Variants in SPOCK3 observed in about 807,000 individuals in gnomAD.
SPOCK3 encodes the protein SPARC (osteonectin), cwcv and kazal like domains proteoglycan 3.
In SPOCK3, 30 loss-of-function variants were observed where a neutral mutation model predicts 56.6. That is an observed-to-expected ratio of 0.53 (90% confidence interval 0.40 to 0.72). The LOEUF (loss-of-function observed/expected upper bound fraction) is 0.72. Ranked by LOEUF, SPOCK3 falls within the 30% of genes least tolerant of loss-of-function variation. The pLI, the probability that SPOCK3 is intolerant of heterozygous loss-of-function variation, is 0.00. For synonymous variants in SPOCK3, 196 were observed against 183.3 expected, an observed-to-expected ratio of 1.07 and a Z score of -0.56; for missense variants, 527 against 530.0, an observed-to-expected ratio of 0.99 and a Z score of 0.06.
chr4:166,941,936 C>CCCA (rs1344215528), intron 4 of SPOCK3, among the ~76,000 whole-genome samples: 1 of 152,098 alleles, frequency 6.6e-6, no homozygotes, highest in African/African-American at 2.4e-5. Flanking sequence ...GCCAAAGGCA[C>CCCA]CCAGCTAAGC....
intron 2 of SPOCK3, among the ~76,000 whole-genome samples, chr4:167,171,199 G>A (rs1730468893): frequency 6.6e-6 from 1 of 152,086 alleles, no homozygotes; most frequent in African/African-American, 2.4e-5. Context: ...TTATTTATTT[G>A]ACAAATTATT....
chr4:166,875,984 G>GAGCC (rs10629164), intron 6 of SPOCK3, among the ~76,000 whole-genome samples: 147,444 of 152,170 alleles, frequency 0.97, 71,463 homozygotes, highest in East Asian at 1. Context: ...GAAGCAACAG[G>GAGCC]AGCCCAGTGG....
intron 3 of SPOCK3, among the ~76,000 whole-genome samples, chr4:167,023,699 G>T (rs755024719): frequency 1.3e-5 from 2 of 151,954 alleles, no homozygotes; most frequent in African/African-American, 4.8e-5. Context: ...GTTCTGTAAA[G>T]ATATGACAAA....
intron 5 of SPOCK3, among the ~76,000 whole-genome samples, chr4:166,903,220 ACT>A (rs1404763549): frequency 6.6e-6 from 1 of 150,982 alleles, no homozygotes; most frequent in Non-Finnish European, 1.5e-5. Context: ...GGCAGAACAA[ACT>A]CTGTGGAATC....
chr4:167,195,623 G>T (rs72701404), intron 2 of SPOCK3, among the ~76,000 whole-genome samples: 9,431 of 152,230 alleles, frequency 0.062, 319 homozygotes, highest in Admixed American at 0.086. Flanking sequence ...TGGAACCAAG[G>T]TCAGCAGGCC....
chr4:166,817,429 C>T (rs1744486862), intron 6 of SPOCK3, among the ~76,000 whole-genome samples: 2 of 152,108 alleles, frequency 1.3e-5, no homozygotes, highest in Non-Finnish European at 2.9e-5. Context: ...GTAGACAGTG[C>T]CTTTGCTCAT....
intron 6 of SPOCK3, among the ~76,000 whole-genome samples, chr4:166,876,692 T>C (rs944084640): frequency 6.6e-6 from 1 of 152,130 alleles, no homozygotes; most frequent in Non-Finnish European, 1.5e-5. Context: ...TAATAGTATC[T>C]TTTGATTTTT....
chr4:166,938,145 T>C (rs1740657147), intron 4 of SPOCK3, among the ~76,000 whole-genome samples: 1 of 151,988 alleles, frequency 6.6e-6, no homozygotes, highest in Admixed American at 6.6e-5. Context: ...GAAGTGATTT[T>C]GAAAAATTAA....
At chr4:166,794,210 CAAAAAA>C (rs10710162) in intron 6 of SPOCK3, among the ~76,000 whole-genome samples, 1 of 73,608 alleles carries the variant, frequency 1.4e-5, no homozygotes, top group Admixed American at 1.7e-4. Context: ...GGTGATAAGG[CAAAAAA>C]AAAAAAAAAA....
intron 6 of SPOCK3, among the ~76,000 whole-genome samples, chr4:166,867,939 G>C (rs943905310): frequency 7.9e-5 from 12 of 151,676 alleles, no homozygotes; most frequent in Non-Finnish European, 1.5e-4. Context: ...TATGTATATA[G>C]TATATGTATA....
At chr4:167,073,681 T>A (rs561762374) in intron 2 of SPOCK3, among the ~76,000 whole-genome samples, 1 of 151,990 alleles carries the variant, frequency 6.6e-6, no homozygotes, top group East Asian at 1.9e-4. Flanking sequence ...TCCCACTGAG[T>A]TTTGATTTTT....
At chr4:166,853,523 T>C (rs1730350295) in intron 6 of SPOCK3, among the ~76,000 whole-genome samples, 1 of 152,082 alleles carries the variant, frequency 6.6e-6, no homozygotes, top group Non-Finnish European at 1.5e-5. Context: ...GCATTAAAAC[T>C]CTCTCTCAAT....
chr4:167,042,994 C>T (rs1370963045), intron 3 of SPOCK3, among the ~76,000 whole-genome samples: 1 of 152,048 alleles, frequency 6.6e-6, no homozygotes, highest in African/African-American at 2.4e-5. Flanking sequence ...CACTGGTTCT[C>T]TCTTCAATAG....
At chr4:166,931,368 T>C (rs1739754774) in intron 4 of SPOCK3, among the ~76,000 whole-genome samples, 1 of 152,158 alleles carries the variant, frequency 6.6e-6, no homozygotes. Flanking sequence ...GAGTTGCTTT[T>C]AGCCCTGCAA....
chr4:167,216,464 T>C (rs945223431), intron 2 of SPOCK3, among the ~76,000 whole-genome samples: 2 of 152,094 alleles, frequency 1.3e-5, no homozygotes, highest in Non-Finnish European at 2.9e-5. Flanking sequence ...AAGACTAGCC[T>C]AAGGGATGGA....
chr4:166,865,563 A>G (rs2126925801), intron 6 of SPOCK3, among the ~76,000 whole-genome samples: 1 of 152,306 alleles, frequency 6.6e-6, no homozygotes, highest in East Asian at 1.9e-4. Flanking sequence ...CCTTAAACTG[A>G]TAAGCAACTT....
chr4:166,804,622 C>T (rs966416543), intron 6 of SPOCK3, among the ~76,000 whole-genome samples: 3 of 152,142 alleles, frequency 2.0e-5, no homozygotes, highest in Non-Finnish European at 4.4e-5. Context: ...TCTTCATATA[C>T]ATTTAGAAAT....
At chr4:166,952,317 T>G (rs564969297) in intron 4 of SPOCK3, among the ~76,000 whole-genome samples, 5 of 152,080 alleles carry the variant, frequency 3.3e-5, no homozygotes, top group Admixed American at 1.3e-4. Flanking sequence ...AAATCGTGAG[T>G]GAACTCCCAT....
At chr4:167,082,404 G>A (rs928943888) in intron 2 of SPOCK3, among the ~76,000 whole-genome samples, 1 of 152,012 alleles carries the variant, frequency 6.6e-6, no homozygotes, top group Non-Finnish European at 1.5e-5. Context: ...GTAAACTACT[G>A]CTGGCAGGCC....
Sources: gnomAD v4.1 joint callset for allele counts (sites outside exome capture counted in the v4.1 genomes callset) on GRCh38, gnomAD v4.1.1 for gene constraint, MANE v1.5 for transcripts, NCBI Gene and HGNC (gene_info 2026-07-23, HGNC 2026-07-21) for gene names.